Variants in ZMAT4 observed in about 807,000 individuals in gnomAD.
ZMAT4 encodes the protein zinc finger matrin-type 4.
In ZMAT4, 17 loss-of-function variants were observed where a neutral mutation model predicts 28.7. The observed-to-expected ratio is 0.59, with a 90% CI of 0.41 to 0.89. The LOEUF (loss-of-function observed/expected upper bound fraction) is 0.89. ZMAT4 is among the 40% of genes least tolerant of loss of function. ZMAT4 has a pLI of 0.00. For missense variants in ZMAT4, 240 were observed against 283.8 expected (o/e 0.85, Z 1.11); for synonymous variants, 117 against 109.2 (o/e 1.07, Z -0.44).
At chr8:40,644,406 A>C (rs1807203796) in intron 5 of ZMAT4, among the ~76,000 whole-genome samples, 1 of 152,064 alleles carries the variant, frequency 6.6e-6, no homozygotes, top group African/African-American at 2.4e-5. Context: ...AACCACACAC[A>C]CCCACACACA....
At chr8:40,664,706 T>G (rs776929746) in intron 5 of ZMAT4, among the ~76,000 whole-genome samples, 1 of 152,242 alleles carries the variant, frequency 6.6e-6, no homozygotes, top group Non-Finnish European at 1.5e-5. Flanking sequence ...CTGTGAGAGA[T>G]GAGAAGTGTC....
chr8:40,628,369 C>T (rs923282302), intron 5 of ZMAT4, among the ~76,000 whole-genome samples: 11 of 152,174 alleles, frequency 7.2e-5, no homozygotes, highest in African/African-American at 2.2e-4. Flanking sequence ...CCAAGCATCG[C>T]GTTAAGCATT....
At chr8:40,740,581 T>G (rs1360282654) in intron 3 of ZMAT4, among the ~76,000 whole-genome samples, 1 of 152,238 alleles carries the variant, frequency 6.6e-6, no homozygotes, top group Non-Finnish European at 1.5e-5. Flanking sequence ...ATATCGGTTT[T>G]TATTGGTGTC....
At chr8:40,736,631 C>T (rs757013818) in intron 3 of ZMAT4, among the ~76,000 whole-genome samples, 2 of 152,146 alleles carry the variant, frequency 1.3e-5, no homozygotes, top group Non-Finnish European at 2.9e-5. Context: ...TGCACAAATA[C>T]ATAACAAAAG....
At chr8:40,589,998 T>TTCCTTCCTTCCG (rs1563354255) in intron 5 of ZMAT4, among the ~76,000 whole-genome samples, 2 of 115,676 alleles carry the variant, frequency 1.7e-5, no homozygotes, top group African/African-American at 6.6e-5. Context: ...CCTTCCTTCC[T>TTCCTTCCTTCCG]TCCTTCCTTC....
intron 1 of ZMAT4, among the ~76,000 whole-genome samples, chr8:40,859,392 T>C (rs1162017496): frequency 1.3e-5 from 2 of 152,154 alleles, no homozygotes; most frequent in Non-Finnish European, 2.9e-5. Context: ...GGAGTGCATG[T>C]ATGGAAACCC....
intron 6 of ZMAT4, among the ~76,000 whole-genome samples, chr8:40,580,314 T>C (rs1376353343): frequency 1.3e-5 from 2 of 152,054 alleles, no homozygotes; most frequent in Non-Finnish European, 2.9e-5. Context: ...ACCCGGCCTA[T>C]TCATCTTTTC....
chr8:40,647,088 G>A (rs1036559183), intron 5 of ZMAT4, among the ~76,000 whole-genome samples: 1 of 152,200 alleles, frequency 6.6e-6, no homozygotes, highest in African/African-American at 2.4e-5. Context: ...TGGCCTAATA[G>A]GAACAGCTCC....
chr8:40,689,755 G>A (rs1036272802), intron 4 of ZMAT4, among the ~76,000 whole-genome samples: 1 of 151,824 alleles, frequency 6.6e-6, no homozygotes, highest in South Asian at 2.1e-4. Context: ...TCCTGACCAT[G>A]TCTCCTGTTG....
At chr8:40,829,374 G>T (rs543024284) in intron 1 of ZMAT4, among the ~76,000 whole-genome samples, 1 of 152,326 alleles carries the variant, frequency 6.6e-6, no homozygotes, top group South Asian at 2.1e-4. Flanking sequence ...GAGGTAAGAG[G>T]CCTCCACCCG....
intron 4 of ZMAT4, among the ~76,000 whole-genome samples, chr8:40,681,881 T>TA (rs964453103): frequency 0.011 from 1,612 of 147,058 alleles, 20 homozygotes; most frequent in African/African-American, 0.037. Flanking sequence ...CATGCAGAAA[T>TA]AAAAAAAAAA....
chr8:40,869,288 A>G (rs1817773315), intron 1 of ZMAT4, among the ~76,000 whole-genome samples: 2 of 143,070 alleles, frequency 1.4e-5, no homozygotes, highest in African/African-American at 4.9e-5. Context: ...CTTATAGAAT[A>G]TTAGTTGAGA....
intron 3 of ZMAT4, among the ~76,000 whole-genome samples, chr8:40,725,101 A>G (rs1365882811): frequency 1.3e-5 from 2 of 152,200 alleles, no homozygotes; most frequent in African/African-American, 4.8e-5. Context: ...AACTGCGGGA[A>G]GTGCCATCAG....
intron 5 of ZMAT4, among the ~76,000 whole-genome samples, chr8:40,673,757 T>C (rs897555500): frequency 2.6e-5 from 4 of 152,198 alleles, no homozygotes; most frequent in Non-Finnish European, 4.4e-5. Flanking sequence ...GATGGCTTCC[T>C]AAGGAATCCA....
chr8:40,589,794 T>G (rs1269508533), intron 5 of ZMAT4, among the ~76,000 whole-genome samples: 1 of 127,430 alleles, frequency 7.8e-6, no homozygotes, highest in Admixed American at 7.8e-5. Flanking sequence ...TTTCTTTTCT[T>G]TTTCTTTGTC....
At chr8:40,839,905 C>A (rs1816641987) in intron 1 of ZMAT4, among the ~76,000 whole-genome samples, 1 of 152,188 alleles carries the variant, frequency 6.6e-6, no homozygotes, top group African/African-American at 2.4e-5. Context: ...TGTAACAAAA[C>A]TGTGCATGTA....
intron 5 of ZMAT4, among the ~76,000 whole-genome samples, chr8:40,584,857 C>G (rs544611836): frequency 2.0e-5 from 3 of 152,144 alleles, no homozygotes; most frequent in Admixed American, 6.5e-5. Context: ...TGGTCTCAAA[C>G]GCCAGATCTC....
intron 6 of ZMAT4, among the ~76,000 whole-genome samples, chr8:40,569,613 G>A (rs928658352): frequency 2.0e-5 from 3 of 152,116 alleles, no homozygotes; most frequent in Non-Finnish European, 2.9e-5. Context: ...TAGAGTTTAT[G>A]CTCTGTATTC....
At chr8:40,842,889 C>A (rs934299529) in intron 1 of ZMAT4, among the ~76,000 whole-genome samples, 2 of 152,222 alleles carry the variant, frequency 1.3e-5, no homozygotes, top group Admixed American at 6.5e-5. Flanking sequence ...AATTCTCCTG[C>A]CTCAGCCTCC....
Sources: allele counts gnomAD v4.1 joint callset (sites outside exome capture counted in the v4.1 genomes callset), GRCh38; gene constraint gnomAD v4.1.1; transcripts MANE v1.5; gene names NCBI Gene and HGNC (gene_info 2026-07-23, HGNC 2026-07-21).